CCNJL: variants seen among roughly 807,000 people sequenced by gnomAD.
CCNJL encodes cyclin J like.
A neutral mutation model predicts 33.4 loss-of-function variants in CCNJL; 33 were observed. That is an observed-to-expected ratio of 0.99 (90% confidence interval 0.75 to 1.32). CCNJL has a LOEUF of 1.32. Among genes scored for constraint, CCNJL ranks in the 40% most tolerant of loss-of-function variants. The probability of loss-of-function intolerance (pLI) is 0.00; values close to 1 mark genes in which losing one functional copy is unlikely to be tolerated. For missense variants in CCNJL, 512 were observed against 499.7 expected, an observed-to-expected ratio of 1.02 and a Z score of -0.23; for synonymous variants, 227 against 220.9, an observed-to-expected ratio of 1.03 and a Z score of -0.24.
intron 4 of CCNJL, 93 bp from the exon 5 acceptor site, chr5:160,255,801 C>G: frequency 9.0e-7 from 1 of 1,109,324 alleles, no homozygotes; most frequent in East Asian, 2.4e-5. Context: ...GAATCGCTTT[C>G]AAGGCTTTTC....
chr5:160,269,875 C>T (rs930044189), intron 3 of CCNJL, among the ~76,000 whole-genome samples: 1 of 152,208 alleles, frequency 6.6e-6, no homozygotes, highest in Non-Finnish European at 1.5e-5. Context: ...CACATCCGAG[C>T]TGTATGCTTT....
chr5:160,320,855 T>TTCTTTCTTTCTC (rs1763440007), intron 1 of CCNJL, among the ~76,000 whole-genome samples: 1 of 132,714 alleles, frequency 7.5e-6, no homozygotes, highest in African/African-American at 2.8e-5. Context: ...CTTTCCTTCT[T>TTCTTTCTTTCTC]TCTTTCTTTC....
At chr5:160,304,273 G>A (rs1763022173) in intron 2 of CCNJL, among the ~76,000 whole-genome samples, 1 of 152,178 alleles carries the variant, frequency 6.6e-6, no homozygotes, top group Non-Finnish European at 1.5e-5. Context: ...GAGAATACGG[G>A]TGAAGCACTG....
chr5:160,326,486 C>CAAAAAA (rs11461365), intron 1 of CCNJL, among the ~76,000 whole-genome samples: 53 of 57,638 alleles, frequency 9.2e-4, no homozygotes, highest in African/African-American at 2.7e-3. Flanking sequence ...ACTCTGTCTC[C>CAAAAAA]AAAAAAAAAA....
chr5:160,294,398 T>G (rs891156013), intron 2 of CCNJL, among the ~76,000 whole-genome samples: 1 of 152,112 alleles, frequency 6.6e-6, no homozygotes, highest in African/African-American at 2.4e-5. Context: ...GAGTGAAAGG[T>G]AACCCAGGCA....
chr5:160,305,771 TGG>T (rs1763076578), intron 2 of CCNJL, among the ~76,000 whole-genome samples: 1 of 152,182 alleles, frequency 6.6e-6, no homozygotes, highest in Non-Finnish European at 1.5e-5. Context: ...GTCTGTAAAC[TGG>T]GGTTAATCCT....
rs368546181 is a variant in CCNJL at position 160,285,375 on chromosome 5, C to T, written c.67-4637G>A. 2.0e-4 allele frequency among the ~76,000 whole-genome samples: 31 copies of T among 152,150 alleles called. No homozygotes were observed. The East Asian group carries it at 3.7e-3, about 18-fold the overall frequency. ...TTGCACATCACTGTTACTTCAGCACCCCAGTGTGAAGAGAACAGGGTTAGG... is the reference window on the plus strand; with the variant it reads ...TTGCACATCACTGTTACTTCAGCACTCCAGTGTGAAGAGAACAGGGTTAGG... On this transcript the variant is annotated intron_variant, in intron 2 of 5. Transcript: ENST00000257536.
At chr5:160,282,308 G>A (rs1023900782) in intron 2 of CCNJL, among the ~76,000 whole-genome samples, 3 of 151,524 alleles carry the variant, frequency 2.0e-5, no homozygotes, top group African/African-American at 4.9e-5. Context: ...ATGCAATCTG[G>A]AATAAGATAG....
At chr5:160,278,458 G>C (rs921051548) in intron 3 of CCNJL, among the ~76,000 whole-genome samples, 65 of 152,134 alleles carry the variant, frequency 4.3e-4, no homozygotes, top group Non-Finnish European at 2.6e-4. Flanking sequence ...AATGGCCTGG[G>C]GAGAGGGGAG....
Position 160,257,456 on chromosome 5 carries a change from C to T in CCNJL, c.584-1748G>A, listed in dbSNP as rs185072846. On this transcript the variant is annotated intron_variant, in intron 4 of 5. Coordinates refer to ENST00000257536, the MANE Select transcript of CCNJL (RefSeq NM_001308173.3). ...TGCCACTACACTCCAGCCTGGGTGA[C>T]AGAGCAAGCCTCCGTCTCAAAAAAT... 8.7e-3 allele frequency among the ~76,000 whole-genome samples: 1,318 copies of T among 151,984 alleles called. 73 individuals are homozygous for T. Among genetic ancestry groups the T allele is most frequent in the Admixed American group, 0.075 (1,140 of 15,244 alleles).
chr5:160,314,360 C>T (rs2113466679), upstream of CCNJL, among the ~76,000 whole-genome samples: 1 of 152,288 alleles, frequency 6.6e-6, no homozygotes, highest in South Asian at 2.1e-4. Flanking sequence ...TGTGGCATTT[C>T]ACTTTGTTGG....
intron 2 of CCNJL, among the ~76,000 whole-genome samples, chr5:160,292,645 A>G (rs914854920): frequency 2.6e-5 from 4 of 151,500 alleles, no homozygotes; most frequent in Non-Finnish European, 4.4e-5. Context: ...GTGTGTGTGT[A>G]TATATATGTA....
chr5:160,328,879 C>CAAAA lies in CCNJL; in HGVS notation n.206+10562_206+10565dup, dbSNP rs558876567. ...TGGGCAAGAGAGCGAGACTCTGTCT[C>CAAAA]AAAAAAAAAAAGAAAAAGAAAAAAT... is the stretch of plus-strand genomic sequence containing the variant. On this transcript the variant is annotated intron_variant and non_coding_transcript_variant, in intron 1 of 7. Transcript: ENST00000377503. 3.0e-3 allele frequency among the ~76,000 whole-genome samples: 426 copies of CAAAA among 139,926 alleles called. 2 individuals are homozygous for CAAAA. Among genetic ancestry groups the CAAAA allele is most frequent in the African/African-American group, 0.011 (408 of 38,598 alleles). 91.8% of individuals were successfully genotyped at this position (139,926 alleles called of 152,430 possible).
chr5:160,253,723 G>A lies in CCNJL; in HGVS notation c.819C>T (p.Pro273=). 6.3e-7 allele frequency: 1 copy of A among 1,582,244 alleles called. No individual in the cohort carries two copies. Among genetic ancestry groups the A allele is most frequent in the South Asian group, 1.2e-5 (1 of 86,938 alleles). Residue 273 remains proline (P), a synonymous_variant, in exon 6 of 6, where the codon CCC becomes CCT. Transcript: ENST00000257536. ...QALAMVPGTP[P]TPTQVLFQPP... is the part of the protein sequence containing the mutation. ...GCTGGAACAGCACTTGAGTGGGGGT[G>A]GGGGGTGTGCCGGGCACCATTGCCA...
chr5:160,282,968 T>TATATATATATATATAC (rs1762265150), intron 2 of CCNJL, among the ~76,000 whole-genome samples: 6 of 25,868 alleles, frequency 2.3e-4, no homozygotes, highest in Non-Finnish European at 4.4e-4. Context: ...GTCCTTGGAA[T>TATATATATATATATAC]ATATATATAT....
intron 2 of CCNJL, among the ~76,000 whole-genome samples, chr5:160,286,701 T>C (rs1762418044): frequency 6.6e-6 from 1 of 152,046 alleles, no homozygotes; most frequent in Admixed American, 6.6e-5. Context: ...TAGCAATATA[T>C]GGCAAGTAGG....
chr5:160,330,752 C>T (rs1229478000), intron 1 of CCNJL, among the ~76,000 whole-genome samples: 2 of 151,988 alleles, frequency 1.3e-5, no homozygotes, highest in Non-Finnish European at 2.9e-5. Context: ...CAACCTCCTC[C>T]TCCTGGGTTC....
At chr5:160,327,442 T>C (rs1350883573) in intron 1 of CCNJL, among the ~76,000 whole-genome samples, 1 of 152,244 alleles carries the variant, frequency 6.6e-6, no homozygotes, top group Non-Finnish European at 1.5e-5. Flanking sequence ...GCACAGCCAC[T>C]TGGGCCACCA....
At chr5:160,309,194 TA>T (rs754375760) in intron 2 of CCNJL, among the ~76,000 whole-genome samples, 3 of 152,338 alleles carry the variant, frequency 2.0e-5, no homozygotes, top group East Asian at 1.9e-4. Flanking sequence ...GAATGGATGA[TA>T]GGGGCCAGAT....
Sources: allele counts gnomAD v4.1 joint callset (sites outside exome capture counted in the v4.1 genomes callset), GRCh38; gene constraint gnomAD v4.1.1; transcripts MANE v1.5; gene names NCBI Gene and HGNC (gene_info 2026-07-23, HGNC 2026-07-21).